EPHA7: variants seen among roughly 807,000 people sequenced by gnomAD.
The protein encoded by EPHA7 is ephrin type-A receptor 7.
Under a neutral mutation model 112.6 loss-of-function variants are expected in EPHA7, and 25 were observed. That is an observed-to-expected ratio of 0.22 (90% confidence interval 0.16 to 0.31). EPHA7 has a LOEUF of 0.31. Among genes scored for constraint, EPHA7 ranks in the 10% least tolerant of loss-of-function variants. The pLI is 1.00. For missense variants in EPHA7, 962 were observed against 1,212.6 expected (o/e 0.79, Z 3.07); for synonymous variants, 437 against 406.5 (o/e 1.07, Z -0.90).
chr6:93,419,044 G>C (rs1463693070), intron 1 of EPHA7, among the ~76,000 whole-genome samples: 4 of 152,202 alleles, frequency 2.6e-5, no homozygotes, highest in Non-Finnish European at 4.4e-5. Context: ...CGGGCACAGG[G>C]CTGTAGGCGG....
chr6:93,294,245 G>C (rs1772537405), intron 5 of EPHA7, among the ~76,000 whole-genome samples: 1 of 152,034 alleles, frequency 6.6e-6, no homozygotes, highest in African/African-American at 2.4e-5. Context: ...ACATAGCCTG[G>C]GTTTTAACTA....
intron 5 of EPHA7, among the ~76,000 whole-genome samples, chr6:93,272,867 A>G (rs930770294): frequency 3.3e-5 from 5 of 151,970 alleles, no homozygotes; most frequent in East Asian, 1.9e-4. Flanking sequence ...TTGATCTTCA[A>G]TTAAAGGAAT....
chr6:93,415,136 A>G (rs1339580592), intron 1 of EPHA7, among the ~76,000 whole-genome samples: 1 of 152,012 alleles, frequency 6.6e-6, no homozygotes, highest in East Asian at 1.9e-4. Flanking sequence ...CATGAACATA[A>G]TAAGGTATAA....
chr6:93,256,341 T>C (rs1158730734), intron 12 of EPHA7, among the ~76,000 whole-genome samples: 2 of 152,002 alleles, frequency 1.3e-5, no homozygotes, highest in African/African-American at 4.8e-5. Context: ...ATAGAGTATC[T>C]AAAAAATTAC....
intron 3 of EPHA7, among the ~76,000 whole-genome samples, chr6:93,382,103 C>T (rs1361437334): frequency 6.6e-6 from 1 of 152,114 alleles, no homozygotes; most frequent in Non-Finnish European, 1.5e-5. Flanking sequence ...TTAAAACTAA[C>T]CTCTCAAATG....
At chr6:93,391,700 C>A (rs1467216913) in intron 3 of EPHA7, among the ~76,000 whole-genome samples, 1 of 151,528 alleles carries the variant, frequency 6.6e-6, no homozygotes, top group African/African-American at 2.4e-5. Context: ...AAATGACAGA[C>A]AGAAAGGTGG....
intron 3 of EPHA7, among the ~76,000 whole-genome samples, chr6:93,386,129 TCACAA>T (rs1777592644): frequency 6.6e-6 from 1 of 152,126 alleles, no homozygotes; most frequent in African/African-American, 2.4e-5. Flanking sequence ...TTCTCAAATT[TCACAA>T]CACATTTATG....
chr6:93,391,511 A>G (rs917913335), intron 3 of EPHA7, among the ~76,000 whole-genome samples: 3 of 151,958 alleles, frequency 2.0e-5, no homozygotes, highest in African/African-American at 7.2e-5. Context: ...AAGGACAGAG[A>G]AGGACCAAGG....
At chr6:93,279,455 A>T (rs182204865) in intron 5 of EPHA7, among the ~76,000 whole-genome samples, 1 of 152,248 alleles carries the variant, frequency 6.6e-6, no homozygotes, top group East Asian at 1.9e-4. Context: ...ACTGGTATCT[A>T]ATTAATTAAT....
At chr6:93,359,874 G>GAGAGAGAGAGAGAGATAGATAGATAGAT (rs1462833873) in intron 3 of EPHA7, among the ~76,000 whole-genome samples, 1 of 127,850 alleles carries the variant, frequency 7.8e-6, no homozygotes, top group Non-Finnish European at 1.7e-5. Flanking sequence ...GAGAGAGAGA[G>GAGAGAGAGAGAGAGATAGATAGATAGAT]AGATAGATAG....
At chr6:93,248,144 A>C (rs1288132513) in intron 14 of EPHA7, among the ~76,000 whole-genome samples, 1 of 152,126 alleles carries the variant, frequency 6.6e-6, no homozygotes, top group Non-Finnish European at 1.5e-5. Context: ...TTTTCAAAGA[A>C]AATAAGGCCA....
intron 5 of EPHA7, among the ~76,000 whole-genome samples, chr6:93,289,476 T>C (rs1582456119): frequency 1.3e-5 from 2 of 150,272 alleles, no homozygotes; most frequent in East Asian, 3.9e-4. Context: ...AAAAAAAAAT[T>C]AGCTGGGAGT....
intron 1 of EPHA7, 102 bp downstream of exon 1, chr6:93,419,143 G>C (rs1779401527): frequency 2.2e-6 from 2 of 930,234 alleles, no homozygotes; most frequent in African/African-American, 1.8e-5. Flanking sequence ...AGGGTCGCCC[G>C]GCGCCGGAGG....
At chr6:93,279,260 T>A (rs2127894018) in intron 5 of EPHA7, among the ~76,000 whole-genome samples, 1 of 152,262 alleles carries the variant, frequency 6.6e-6, no homozygotes, top group African/African-American at 2.4e-5. Context: ...TGATATTTTT[T>A]GATTTATGCT....
chr6:93,267,249 A>C (rs186142435), intron 7 of EPHA7, among the ~76,000 whole-genome samples: 1 of 151,770 alleles, frequency 6.6e-6, no homozygotes, highest in Admixed American at 6.6e-5. Flanking sequence ...GGCTGTGTTT[A>C]ATAACAGCTG....
chr6:93,398,473 T>G (rs71558461), intron 3 of EPHA7, among the ~76,000 whole-genome samples: 1 of 152,070 alleles, frequency 6.6e-6, no homozygotes, highest in Non-Finnish European at 1.5e-5. Flanking sequence ...TGATTTGTAA[T>G]TTTTATTTTG....
intron 3 of EPHA7, among the ~76,000 whole-genome samples, chr6:93,400,673 G>C (rs1398036307): frequency 2.6e-5 from 4 of 151,920 alleles, no homozygotes; most frequent in Admixed American, 2.6e-4. Context: ...GAGTAGCTAA[G>C]ACTACAGACA....
intron 5 of EPHA7, among the ~76,000 whole-genome samples, chr6:93,301,194 G>T (rs1772958990): frequency 6.6e-6 from 1 of 151,908 alleles, no homozygotes; most frequent in Admixed American, 6.6e-5. Context: ...TATCTACTCT[G>T]CTCTAAAATG....
At chr6:93,373,674 G>A (rs1776912433) in intron 3 of EPHA7, among the ~76,000 whole-genome samples, 1 of 151,802 alleles carries the variant, frequency 6.6e-6, no homozygotes, top group African/African-American at 2.4e-5. Flanking sequence ...AGTATTTTTA[G>A]CTCTCATGAT....
Sources: allele counts gnomAD v4.1 joint callset (sites outside exome capture counted in the v4.1 genomes callset), GRCh38; gene constraint gnomAD v4.1.1; transcripts MANE v1.5; gene names NCBI Gene and HGNC (gene_info 2026-07-23, HGNC 2026-07-21).